Variants in SOBP observed in about 807,000 individuals in gnomAD.
SOBP encodes sine oculis-binding protein homolog.
In SOBP, 4 loss-of-function variants were observed where a neutral mutation model predicts 53.6. The ratio of observed to expected loss-of-function variants is 0.07; its 90% CI spans 0.04 to 0.17. SOBP has a LOEUF of 0.17. SOBP is among the 10% of genes least tolerant of loss of function. The probability of loss-of-function intolerance (pLI) is 1.00; values close to 1 mark genes in which losing one functional copy is unlikely to be tolerated. For missense variants in SOBP, 1,088 were observed against 1,204.7 expected, an observed-to-expected ratio of 0.90 and a Z score of 1.43; for synonymous variants, 584 against 522.6, an observed-to-expected ratio of 1.12 and a Z score of -1.60.
rs181613494 is a variant in SOBP at position 107,660,445 on chromosome 6, G to A, written c.*2242G>A. On this transcript the variant is annotated 3_prime_UTR_variant, in exon 7 of 7. Coordinates refer to ENST00000317357, the MANE Select transcript of SOBP (RefSeq NM_018013.4). ...GAGTGTTTAGGCTGTAGACCCAGGT[G>A]TGGTGTCCCTTCCAAGTGCTCTTCA... Among the ~76,000 whole-genome samples, 2 of 152,292 alleles carry A rather than the reference G, an allele frequency of 1.3e-5. No homozygotes were observed. The highest frequency in any genetic ancestry group is 2.4e-5 in the African/African-American group (1 of 41,552).
At chr6:107,650,700 C>T (rs1339497572) in intron 6 of SOBP, among the ~76,000 whole-genome samples, 2 of 152,168 alleles carry the variant, frequency 1.3e-5, no homozygotes, top group Admixed American at 6.5e-5. Flanking sequence ...CTTTCTCCTT[C>T]TCCTTGGGCC....
rs928004555 is a variant in SOBP, at chr6:107,660,143, T to G, written c.*1940T>G. 6.6e-6 allele frequency: 1 copy of G among 152,626 alleles called. No individual in the cohort carries two copies. Among genetic ancestry groups the G allele is most frequent in the Admixed American group, 6.5e-5 (1 of 15,278 alleles). 9.5% of individuals were successfully genotyped at this position (152,626 alleles called of 1,614,324 possible). ...AAATCTCGAAGAAAAAAAATGCACT[T>G]ACATGTGCTTATTTGGCTTTTCTCA... On this transcript the variant is annotated 3_prime_UTR_variant, in exon 7 of 7. Transcript: ENST00000317357.
At chr6:107,583,622 C>A (rs958720590) in intron 4 of SOBP, among the ~76,000 whole-genome samples, 3 of 152,074 alleles carry the variant, frequency 2.0e-5, no homozygotes, top group African/African-American at 7.2e-5. Flanking sequence ...AAGTGCTGGG[C>A]TCAAGCAATC....
At chr6:107,645,559 A>C (rs1391112413) in intron 6 of SOBP, among the ~76,000 whole-genome samples, 1 of 151,570 alleles carries the variant, frequency 6.6e-6, no homozygotes, top group Admixed American at 6.6e-5. Flanking sequence ...TCACTTTTAC[A>C]AGCAACATGC....
At chr6:107,571,434 C>T (rs1180278367) in intron 4 of SOBP, among the ~76,000 whole-genome samples, 1 of 151,534 alleles carries the variant, frequency 6.6e-6, no homozygotes, top group Non-Finnish European at 1.5e-5. Context: ...AGGCTTCTTG[C>T]GGCCCTGGAG....
intron 4 of SOBP, among the ~76,000 whole-genome samples, chr6:107,555,984 G>A (rs1166804769): frequency 6.6e-6 from 1 of 152,202 alleles, no homozygotes; most frequent in South Asian, 2.1e-4. Context: ...GATTTGATAT[G>A]TTAGGGGTAA....
intron 3 of SOBP, chr6:107,509,846 T>C (rs1783115995): frequency 2.0e-5 from 3 of 152,222 alleles, no homozygotes; most frequent in African/African-American, 7.2e-5. Context: ...CTGTCTTCCA[T>C]GGAATTCCAG....
Position 107,529,541 on chromosome 6 carries a change from G to T in SOBP, c.422-3918G>T, listed in dbSNP as rs371376444. 4 of 985,378 alleles carry T rather than the reference G, an allele frequency of 4.1e-6. No homozygotes were observed. The East Asian group carries it at 4.5e-4, about 112-fold the overall frequency. 61.0% of individuals were successfully genotyped at this position (985,378 alleles called of 1,614,324 possible). A position where few individuals can be genotyped will look rare whatever the true frequency, so the allele number is the denominator to read the frequency against. Reference sequence around the variant, plus strand: ...TGGACTCCCATGAAAGTTACAAAGGGGTGGTAAATCTACAGTTTAATTGCC... The same window carrying T: ...TGGACTCCCATGAAAGTTACAAAGGTGTGGTAAATCTACAGTTTAATTGCC... On this transcript the variant is annotated intron_variant, in intron 3 of 6. Coordinates refer to ENST00000317357, the MANE Select transcript of SOBP (RefSeq NM_018013.4).
chr6:107,590,770 A>G (rs1489601039), intron 5 of SOBP, among the ~76,000 whole-genome samples: 2 of 151,944 alleles, frequency 1.3e-5, no homozygotes, highest in African/African-American at 2.4e-5. Flanking sequence ...TGCTTAGGCT[A>G]TTTTTCTGTG....
chr6:107,659,092 G>T lies in SOBP; in HGVS notation c.*889G>T, dbSNP rs1226436538. 2.6e-5 allele frequency: 4 copies of T among 152,566 alleles called. No homozygotes were observed. The allele number at this position is 152,566 out of a possible 1,614,324, so 9.5% of individuals were successfully genotyped here. ...TCAAGGTGTAAAATAATCCGAGGGGGAATATTTGCTGGGCGTCAGGAAAGA... is the reference window on the plus strand; with the variant it reads ...TCAAGGTGTAAAATAATCCGAGGGGTAATATTTGCTGGGCGTCAGGAAAGA... On this transcript the variant is annotated 3_prime_UTR_variant, in exon 7 of 7. Transcript: ENST00000317357.
At chr6:107,618,690 G>A (rs962337182) in intron 5 of SOBP, among the ~76,000 whole-genome samples, 1 of 152,208 alleles carries the variant, frequency 6.6e-6, no homozygotes, top group African/African-American at 2.4e-5. Context: ...TTAAGTGCAC[G>A]TGAAGAGGCT....
intron 4 of SOBP, among the ~76,000 whole-genome samples, chr6:107,562,052 A>G (rs1038420128): frequency 7.0e-6 from 1 of 143,072 alleles, no homozygotes; most frequent in Non-Finnish European, 1.5e-5. Flanking sequence ...TTTTTTTGAG[A>G]CAGGGTCTCA....
chr6:107,567,867 G>A (rs563334097), intron 4 of SOBP, among the ~76,000 whole-genome samples: 50 of 152,302 alleles, frequency 3.3e-4, no homozygotes, highest in African/African-American at 1.1e-3. Flanking sequence ...TTTCCAAGGA[G>A]AGCTAGAAAA....
chr6:107,601,263 T>G (rs1046833201), intron 5 of SOBP, among the ~76,000 whole-genome samples: 2 of 152,188 alleles, frequency 1.3e-5, no homozygotes, highest in African/African-American at 4.8e-5. Flanking sequence ...CTCTGACAGC[T>G]CTCTGTGGCC....
At chr6:107,579,446 AAC>A (rs148873113) in intron 4 of SOBP, among the ~76,000 whole-genome samples, 5,870 of 152,302 alleles carry the variant, frequency 0.039, 153 homozygotes, top group Middle Eastern at 0.13. Flanking sequence ...AAAAAGTAAA[AAC>A]AGGCATTTTC....
At chr6:107,518,849 T>G (rs947396868) in intron 3 of SOBP, among the ~76,000 whole-genome samples, 12 of 152,020 alleles carry the variant, frequency 7.9e-5, no homozygotes, top group Non-Finnish European at 1.8e-4. Context: ...TAAGAAAATT[T>G]TAAACTCCTC....
intron 4 of SOBP, among the ~76,000 whole-genome samples, chr6:107,563,589 C>T (rs1784830069): frequency 2.0e-5 from 3 of 151,124 alleles, no homozygotes; most frequent in African/African-American, 7.3e-5. Context: ...TTTAGTGGCT[C>T]ATGTGAGGTA....
chr6:107,617,519 G>C (rs912991251), intron 5 of SOBP, among the ~76,000 whole-genome samples: 4 of 152,312 alleles, frequency 2.6e-5, no homozygotes, highest in African/African-American at 7.2e-5. Flanking sequence ...TTCTCAGTGT[G>C]ACTCCCGTTT....
At chr6:107,624,469 T>C (rs1205731545) in intron 5 of SOBP, among the ~76,000 whole-genome samples, 1 of 152,198 alleles carries the variant, frequency 6.6e-6, no homozygotes, top group Non-Finnish European at 1.5e-5. Context: ...TTTTAATTTT[T>C]TCAAAGACTG....
Sources: allele counts gnomAD v4.1 joint callset (sites outside exome capture counted in the v4.1 genomes callset), GRCh38; gene constraint gnomAD v4.1.1; transcripts MANE v1.5; gene names NCBI Gene and HGNC (gene_info 2026-07-23, HGNC 2026-07-21).